MYCBPAP: variants seen among roughly 807,000 people sequenced by gnomAD.
MYCBPAP encodes the protein MYCBP associated protein.
In MYCBPAP, 60 loss-of-function variants were observed where a neutral mutation model predicts 106.1. That is an observed-to-expected ratio of 0.57 (90% confidence interval 0.46 to 0.70). The LOEUF (loss-of-function observed/expected upper bound fraction) is 0.70, where lower values mean the gene tolerates loss of function less well. MYCBPAP is among the 30% of genes least tolerant of loss of function. The pLI is 0.00. For missense variants in MYCBPAP, 1,064 were observed against 1,169.3 expected (o/e 0.91, Z 1.31); for synonymous variants, 407 against 440.6 (o/e 0.92, Z 0.95).
chr17:50,524,475 C>T (rs748063610), intron 12 of MYCBPAP, among the ~76,000 whole-genome samples: 12 of 152,132 alleles, frequency 7.9e-5, no homozygotes, highest in African/African-American at 2.9e-4. Context: ...GCGCCCCTCC[C>T]GTGTTTCTGT....
intron 1 of MYCBPAP, 58 bp downstream of exon 1, chr17:50,508,808 A>T: frequency 6.7e-7 from 1 of 1,481,914 alleles, no homozygotes; most frequent in Non-Finnish European, 9.3e-7. Context: ...CGGTCCCCGG[A>T]AAGAGTTCAG....
intron 13 of MYCBPAP, 85 bp from the exon 14 acceptor site, chr17:50,525,796 A>G: frequency 1.4e-6 from 2 of 1,459,960 alleles, no homozygotes; most frequent in Non-Finnish European, 1.8e-6. Flanking sequence ...TGGCCCTTGT[A>G]CTATTTATGT....
At position 50,529,034 on chromosome 17, in the gene MYCBPAP, A is replaced by G; in HGVS notation, c.2570A>G (p.Lys857Arg). 1 of 1,614,102 alleles carries G rather than the reference A, an allele frequency of 6.2e-7. No homozygotes were observed. Residue 857 changes from lysine to arginine, a missense_variant, in exon 18 of 19, where the codon AAG becomes AGG. Lys to Arg is a conservative substitution (Grantham distance 26). Coordinates refer to ENST00000323776, the MANE Select transcript of MYCBPAP (RefSeq NM_032133.6). ...CCCCAGCAGGACCGTCCCAACAGCA[A>G]GAAGCACAAGGCAAAGGATGACAAG... ...LLGKEDRPNS[K>R]KHKAKDDKKV... is the part of the protein sequence containing the mutation.
rs1318326345 is a variant in MYCBPAP at position 50,525,125 on chromosome 17, A to G, written c.1782+102A>G. 4.3e-6 allele frequency: 6 copies of G among 1,395,516 alleles called. No homozygotes were observed. The African/African-American group carries it at 7.2e-5, about 17-fold the overall frequency. 86.4% of individuals were successfully genotyped at this position (1,395,516 alleles called of 1,614,324 possible). ...GCAGGTGAGCAGTGGGTGAGCCAGC[A>G]TTACTGCCTGAGCTCTGCCTCCTGT... is the stretch of plus-strand genomic sequence containing the variant. On this transcript the variant is annotated intron_variant, in intron 13 of 18. Transcript: ENST00000323776.
Position 50,531,025 on chromosome 17 carries a change from G to A in MYCBPAP, c.2725-302G>A, listed in dbSNP as rs113075740. ...AAAGTAGCCAGGTCTGGTGGTGCAC[G>A]CCTGTAGTCCCAGCTACTTGGGAGG... On this transcript the variant is annotated intron_variant, in intron 18 of 18. Coordinates refer to ENST00000323776, the MANE Select transcript of MYCBPAP (RefSeq NM_032133.6). 1.7e-3 allele frequency among the ~76,000 whole-genome samples: 264 copies of A among 151,902 alleles called. 1 individual carries two copies. The highest frequency in any genetic ancestry group is 2.9e-3 in the African/African-American group (121 of 41,412).
At chr17:50,508,978 C>T (rs2033721273) in intron 1 of MYCBPAP, 2 of 703,048 alleles carry the variant, frequency 2.8e-6, no homozygotes, top group African/African-American at 1.7e-5. Flanking sequence ...GGGAGACTGA[C>T]AGAGGGGCCT....
chr17:50,521,436 G>C lies in MYCBPAP; in HGVS notation c.1148+5G>C, dbSNP rs747109905. Reference sequence around the variant, plus strand: ...CTCTGAAGACACAGCATACTTGTGAGTGCAGCCTGAACCCTGGGGAGAGAG... The same window carrying C: ...CTCTGAAGACACAGCATACTTGTGACTGCAGCCTGAACCCTGGGGAGAGAG... On this transcript the variant is annotated splice_donor_5th_base_variant and intron_variant, in intron 9 of 18. Transcript: ENST00000323776. 74 of 1,570,330 alleles carry C rather than the reference G, an allele frequency of 4.7e-5. No homozygotes were observed.
In MYCBPAP at chr17:50,528,806, A is replaced by G. The variant is rs920955524; in HGVS notation, c.2519A>G (p.Glu840Gly). The G allele has an allele frequency of 6.2e-6, 10 of 1,613,976 alleles. No individual in the cohort carries two copies. Among genetic ancestry groups the G allele is most frequent in the Non-Finnish European group, 7.6e-6 (9 of 1,180,024 alleles). Residue 840 changes from glutamate (E) to glycine (G), a missense_variant, in exon 17 of 19, where the codon GAA (glutamate) becomes GGA (glycine). Transcript: ENST00000323776. ...EKKQLGIKDK[E>G]DKKGAKLLGK... The stretch of plus-strand genomic sequence containing the variant: ...AAGCAACTGGGGATCAAAGACAAAG[A>G]AGACAAGAAAGGAGCCAAGCTGCTC...
intron 10 of MYCBPAP, chr17:50,522,709 A>AAAAAAAAAAAAAATATATATATATATAT: frequency 6.0e-4 from 30 of 49,984 alleles, no homozygotes; most frequent in South Asian, 1.6e-3. Flanking sequence ...AAAAAAAAAA[A>AAAAAAAAAAAAAATATATATATATATAT]ATATATATAT....
At chr17:50,525,780 T>A in intron 13 of MYCBPAP, 101 bp from the exon 14 acceptor site, 2 of 1,397,994 alleles carry the variant, frequency 1.4e-6, no homozygotes, top group Non-Finnish European at 1.9e-6. Context: ...CTTGAGCCAC[T>A]GTGCCTGGCC....
At chr17:50,508,777 G>T in intron 1 of MYCBPAP, 27 bp downstream of exon 1, 3 of 1,589,436 alleles carry the variant, frequency 1.9e-6, no homozygotes, top group South Asian at 2.3e-5. Context: ...TTGGGCGCTC[G>T]GGAGAACCCG....
chr17:50,527,126 G>T, intron 14 of MYCBPAP, 161 bp from the exon 15 acceptor site: 1 of 927,340 alleles, frequency 1.1e-6, no homozygotes, highest in Non-Finnish European at 1.6e-6. Context: ...GATTTCTGAG[G>T]GGGGTCCCTG....
At chr17:50,526,410 CTATCTATTTATT>C (rs1367262826) in intron 14 of MYCBPAP, 143 bp downstream of exon 14, 1 of 378,136 alleles carries the variant, frequency 2.6e-6, no homozygotes, top group Non-Finnish European at 4.1e-6. Context: ...GGTTATCTAT[CTATCTATTTATT>C]TATTTATTTA....
rs921561699 is a variant in MYCBPAP at position 50,524,952 on chromosome 17, C to T, written c.1711C>T (p.Pro571Ser). Residue 571 changes from proline (P) to serine (S), a missense_variant, in exon 13 of 19, where the codon CCG becomes TCG. Coordinates refer to ENST00000323776, the MANE Select transcript of MYCBPAP (RefSeq NM_032133.6). The part of the protein sequence containing the change: ...LQELLMGVLT[P>S]ERTPSPVDAY... ...GGAGCTGCTGATGGGGGTCTTGACC[C>T]CGGAGCGCACACCATCACCTGTGGA... is the stretch of plus-strand genomic sequence containing the variant. 6.2e-7 allele frequency: 1 copy of T among 1,614,002 alleles called. No homozygotes were observed. The highest frequency in any genetic ancestry group is 8.5e-7 in the Non-Finnish European group (1 of 1,180,026).
chr17:50,521,934 G>T, intron 9 of MYCBPAP, 39 bp from the exon 10 acceptor site: 1 of 1,585,500 alleles, frequency 6.3e-7, no homozygotes. Flanking sequence ...CATGACTGTG[G>T]CAGCCTAAGA....
At position 50,518,604 on chromosome 17, in the gene MYCBPAP, A is replaced by G; in HGVS notation, c.532A>G (p.Lys178Glu). Residue 178 changes from lysine to glutamate, a missense_variant, in exon 5 of 19, where the codon AAG becomes GAG. Coordinates refer to ENST00000323776, the MANE Select transcript of MYCBPAP (RefSeq NM_032133.6). ...MTLISAEGES[K>E]QKAPKEEKRP... is the part of the protein sequence containing the mutation. ...CCTCATCTCTGCTGAAGGAGAGTCA[A>G]AGCAAAAAGCCCCAAAAGAAGAGAA... is the stretch of plus-strand genomic sequence containing the variant. The G allele has an allele frequency of 6.2e-7, 1 of 1,608,784 alleles. No individual in the cohort carries two copies.
At chr17:50,522,152 T>C in intron 10 of MYCBPAP, 71 bp downstream of exon 10, 2 of 1,257,864 alleles carry the variant, frequency 1.6e-6, no homozygotes, top group Non-Finnish European at 2.3e-6. Context: ...GACTGGCAGT[T>C]ACCAGCAGCC....
At chr17:50,530,210 C>T (rs1396996582) in intron 18 of MYCBPAP, 3 of 437,776 alleles carry the variant, frequency 6.9e-6, no homozygotes, top group African/African-American at 2.0e-5. Context: ...AATCAACTTG[C>T]AGACCAGGTG....
At position 50,527,272 on chromosome 17, in the gene MYCBPAP, C is replaced by A. The variant is rs751946725; in HGVS notation, c.2170-15C>A. On this transcript the variant is annotated splice_polypyrimidine_tract_variant and intron_variant, in intron 14 of 18. Transcript: ENST00000323776. Reference sequence around the variant, plus strand: ...TTGGTGTCCTGGTGCAGAATGGTGCCCATGACCCTGCCAGGCAGTGATGGT... The same window carrying A: ...TTGGTGTCCTGGTGCAGAATGGTGCACATGACCCTGCCAGGCAGTGATGGT... 2.2e-5 allele frequency: 35 copies of A among 1,613,696 alleles called. No homozygotes were observed. The highest frequency in any genetic ancestry group is 3.0e-5 in the Non-Finnish European group (35 of 1,179,858).
Sources: allele counts gnomAD v4.1 joint callset (sites outside exome capture counted in the v4.1 genomes callset), GRCh38; gene constraint gnomAD v4.1.1; transcripts MANE v1.5; gene names NCBI Gene and HGNC (gene_info 2026-07-23, HGNC 2026-07-21).